The following RNF4 variants were observed in gnomAD, a reference collection of about 807,000 sequenced individuals.
RNF4 encodes the protein E3 ubiquitin-protein ligase RNF4.
Under a neutral mutation model 24.3 loss-of-function variants are expected in RNF4, and 7 were observed. The observed-to-expected ratio is 0.29, with a 90% CI of 0.16 to 0.54. The LOEUF (loss-of-function observed/expected upper bound fraction) is 0.54. RNF4 is among the 20% of genes least tolerant of loss of function. RNF4 has a pLI of 0.95. For missense variants in RNF4, 209 were observed against 248.5 expected, an observed-to-expected ratio of 0.84 and a Z score of 1.07; for synonymous variants, 83 against 84.3, an observed-to-expected ratio of 0.98 and a Z score of 0.09.
intron 1 of RNF4, among the ~76,000 whole-genome samples, chr4:2,470,693 C>T (rs896503913): frequency 6.6e-6 from 1 of 152,120 alleles, no homozygotes; most frequent in Non-Finnish European, 1.5e-5. Context: ...ATCAAAGTAG[C>T]GTATTTTTGA....
At chr4:2,473,973 C>T (rs964247266) in intron 1 of RNF4, among the ~76,000 whole-genome samples, 1 of 152,090 alleles carries the variant, frequency 6.6e-6, no homozygotes. Flanking sequence ...CCCGGCCACT[C>T]CAGAGGCTGA....
chr4:2,492,981 G>A (rs192608236), intron 2 of RNF4, among the ~76,000 whole-genome samples: 1 of 152,190 alleles, frequency 6.6e-6, no homozygotes, highest in Admixed American at 6.5e-5. Flanking sequence ...TGATAGGATG[G>A]TCAGTTTTCA....
chr4:2,493,897 A>G (rs992282970), intron 2 of RNF4, among the ~76,000 whole-genome samples: 9 of 151,480 alleles, frequency 5.9e-5, no homozygotes, highest in Admixed American at 2.6e-4. Flanking sequence ...GCTGGAGTGC[A>G]GTGGATGCAA....
At chr4:2,497,685 A>G (rs1318557467) in intron 3 of RNF4, among the ~76,000 whole-genome samples, 1 of 152,126 alleles carries the variant, frequency 6.6e-6, no homozygotes, top group Non-Finnish European at 1.5e-5. Context: ...CCCAAGCTAG[A>G]GTGTAGTGGT....
Position 2,490,490 on chromosome 4 carries a change from C to G in RNF4, c.-4C>G, listed in dbSNP as rs898738321. ...GTAGGAAAGGAAAGGCACCAAAGAG[C>G]ACAATGAGTACAGTAAGTTTTATCA... On this transcript the variant is annotated 5_prime_UTR_variant, in exon 2 of 8. Transcript: ENST00000314289. 11 of 1,612,272 alleles carry G rather than the reference C, an allele frequency of 6.8e-6. No individual in the cohort carries two copies. The African/African-American group carries it at 1.5e-4, about 22-fold the overall frequency.
Position 2,504,733 on chromosome 4 carries a change from T to TC in RNF4, c.204+3995_204+3996insC, listed in dbSNP as rs1398659127. On this transcript the variant is annotated intron_variant, in intron 4 of 7. Transcript: ENST00000314289. The stretch of plus-strand genomic sequence containing the variant: ...GCCCGGCTCATTTTTTGTATTTTTT[T>TC]TTTTTTTTTTTTTTGAGACAGAGTC... Among the ~76,000 whole-genome samples the TC allele has an allele frequency of 5.0e-5, 7 of 139,768 alleles. No individual in the cohort carries two copies. The East Asian group carries it at 1.2e-3, about 24-fold the overall frequency. The allele number at this position is 139,768 out of a possible 152,430, so 91.7% of individuals were successfully genotyped here. A position where few individuals can be genotyped will look rare whatever the true frequency, so the allele number is the denominator to read the frequency against.
At chr4:2,496,120 A>T (rs1028027161) in intron 2 of RNF4, among the ~76,000 whole-genome samples, 1 of 152,208 alleles carries the variant, frequency 6.6e-6, no homozygotes, top group African/African-American at 2.4e-5. Context: ...TTGGGTAGCC[A>T]CTGGGAACAG....
At chr4:2,498,266 C>T (rs896836232) in intron 3 of RNF4, among the ~76,000 whole-genome samples, 1 of 152,106 alleles carries the variant, frequency 6.6e-6, no homozygotes, top group African/African-American at 2.4e-5. Flanking sequence ...TCACTGCAAC[C>T]TCTGCCTCCC....
At chr4:2,478,069 G>C (rs774719973) in intron 1 of RNF4, among the ~76,000 whole-genome samples, 6 of 152,212 alleles carry the variant, frequency 3.9e-5, no homozygotes, top group Non-Finnish European at 8.8e-5. Context: ...ACTGGAGCAA[G>C]GGTCACTCCT....
intron 1 of RNF4, among the ~76,000 whole-genome samples, chr4:2,485,182 T>C (rs1352495137): frequency 1.3e-5 from 2 of 152,176 alleles, no homozygotes; most frequent in Non-Finnish European, 2.9e-5. Flanking sequence ...TGCGACTCCT[T>C]TGCTGCTGCT....
At chr4:2,472,149 G>GTGCTC (rs1578493764) in intron 1 of RNF4, among the ~76,000 whole-genome samples, 1 of 152,180 alleles carries the variant, frequency 6.6e-6, no homozygotes, top group South Asian at 2.1e-4. Context: ...GTTGTAACTA[G>GTGCTC]TGCTCATTTA....
intron 4 of RNF4, among the ~76,000 whole-genome samples, chr4:2,506,907 C>T (rs1386157704): frequency 1.3e-5 from 2 of 152,174 alleles, no homozygotes; most frequent in Non-Finnish European, 2.9e-5. Flanking sequence ...GTATGCCAGT[C>T]TCTGCTCTGG....
At chr4:2,500,555 GT>G (rs1477891512) in intron 3 of RNF4, 103 bp from the exon 4 acceptor site, 2 of 1,094,064 alleles carry the variant, frequency 1.8e-6, no homozygotes, top group African/African-American at 5.1e-5. Context: ...GATTGTTTTA[GT>G]TTGGGGTAAG....
chr4:2,494,973 G>C (rs1331668297), intron 2 of RNF4, among the ~76,000 whole-genome samples: 1 of 152,218 alleles, frequency 6.6e-6, no homozygotes, highest in Non-Finnish European at 1.5e-5. Context: ...TTTCTAATTA[G>C]ATGGGGAGGA....
intron 4 of RNF4, among the ~76,000 whole-genome samples, chr4:2,507,072 T>G (rs1736123272): frequency 1.3e-5 from 2 of 152,250 alleles, no homozygotes; most frequent in African/African-American, 4.8e-5. Flanking sequence ...GGAATCTTTT[T>G]TTGGTCTGTT....
At chr4:2,488,266 C>T (rs1440308657) in intron 1 of RNF4, among the ~76,000 whole-genome samples, 1 of 152,160 alleles carries the variant, frequency 6.6e-6, no homozygotes, top group Non-Finnish European at 1.5e-5. Context: ...AGTTCGAGAC[C>T]AGCCTGGCCA....
At chr4:2,476,026 C>T (rs1333352815) in intron 1 of RNF4, among the ~76,000 whole-genome samples, 1 of 152,146 alleles carries the variant, frequency 6.6e-6, no homozygotes, top group Non-Finnish European at 1.5e-5. Context: ...TTTTTGCTTT[C>T]ACCGCAGAGG....
intron 3 of RNF4, among the ~76,000 whole-genome samples, chr4:2,500,421 C>A (rs1014348186): frequency 2.0e-5 from 3 of 152,224 alleles, no homozygotes; most frequent in East Asian, 3.9e-4. Context: ...ACATACATAA[C>A]CCCCCAGGTA....
intron 1 of RNF4, among the ~76,000 whole-genome samples, chr4:2,475,410 C>T (rs1017926115): frequency 1.3e-5 from 2 of 152,148 alleles, no homozygotes; most frequent in Non-Finnish European, 2.9e-5. Flanking sequence ...GCGATCTCGG[C>T]TCATTGCAAG....
Sources: allele counts gnomAD v4.1 joint callset (sites outside exome capture counted in the v4.1 genomes callset), GRCh38; gene constraint gnomAD v4.1.1; transcripts MANE v1.5; gene names NCBI Gene and HGNC (gene_info 2026-07-23, HGNC 2026-07-21).